Variants in ZDHHC14 observed in about 807,000 individuals in gnomAD.
ZDHHC14 encodes palmitoyltransferase ZDHHC14.
In ZDHHC14, 16 loss-of-function variants were observed where a neutral mutation model predicts 47.7. That is an observed-to-expected ratio of 0.34 (90% confidence interval 0.23 to 0.51). The LOEUF (loss-of-function observed/expected upper bound fraction) is 0.51, where lower values mean the gene tolerates loss of function less well. ZDHHC14 is among the 20% of genes least tolerant of loss of function. The pLI is 0.97. For synonymous variants in ZDHHC14, 293 were observed against 278.9 expected (o/e 1.05, Z -0.50); for missense variants, 515 against 662.5 (o/e 0.78, Z 2.44).
At chr6:157,523,962 A>AT (rs34782124) in intron 1 of ZDHHC14, among the ~76,000 whole-genome samples, 93,754 of 151,988 alleles carry the variant, frequency 0.62, 30,370 homozygotes, top group African/African-American at 0.83. Context: ...GTATGAAAAT[A>AT]TTTCTTAGGA....
chr6:157,624,587 A>G (rs1785328068), intron 3 of ZDHHC14, among the ~76,000 whole-genome samples: 1 of 152,202 alleles, frequency 6.6e-6, no homozygotes, highest in African/African-American at 2.4e-5. Context: ...GGGTACATGG[A>G]AAATACTCAG....
chr6:157,562,677 A>G (rs1036721592), intron 2 of ZDHHC14, among the ~76,000 whole-genome samples: 6 of 152,240 alleles, frequency 3.9e-5, no homozygotes, highest in Admixed American at 1.3e-4. Flanking sequence ...CTCACCACCC[A>G]GAGTCTGTTG....
chr6:157,646,612 CAAA>C (rs5881225), intron 6 of ZDHHC14, among the ~76,000 whole-genome samples: 6,360 of 121,434 alleles, frequency 0.052, 229 homozygotes, highest in East Asian at 0.21. Flanking sequence ...CACTCCATCT[CAAA>C]AAAAAAAAAA....
intron 8 of ZDHHC14, among the ~76,000 whole-genome samples, chr6:157,660,664 C>T (rs1440820328): frequency 6.6e-6 from 1 of 152,166 alleles, no homozygotes; most frequent in African/African-American, 2.4e-5. Flanking sequence ...TCTCTGCATC[C>T]AGTTAAGTCA....
intron 5 of ZDHHC14, among the ~76,000 whole-genome samples, chr6:157,645,256 G>C (rs1777464360): frequency 6.6e-6 from 1 of 152,134 alleles, no homozygotes; most frequent in Admixed American, 6.6e-5. Context: ...CTCCTCAGGG[G>C]AGACGCCTGT....
chr6:157,626,489 C>T (rs1785423632), intron 3 of ZDHHC14, among the ~76,000 whole-genome samples: 1 of 152,100 alleles, frequency 6.6e-6, no homozygotes, highest in Admixed American at 6.5e-5. Context: ...GAGGTTTGTT[C>T]GTTGTCAATA....
Position 157,381,495 on chromosome 6 carries a change from G to C in ZDHHC14, c.-527G>C, listed in dbSNP as rs1342417057. 8.0e-6 allele frequency: 3 copies of C among 376,174 alleles called. No homozygotes were observed. Among genetic ancestry groups the C allele is most frequent in the South Asian group, 5.3e-5 (3 of 56,638 alleles). 23.3% of individuals were successfully genotyped at this position (376,174 alleles called of 1,614,324 possible). On this transcript the variant is annotated 5_prime_UTR_variant, in exon 1 of 9. Transcript: ENST00000359775. The stretch of plus-strand genomic sequence containing the variant: ...CGCGCGCGGCCGCCCAGTCGCCAGC[G>C]CTCTCTCCTGGGAGGATCCGCTGCC...
chr6:157,522,491 G>GT (rs1191340111), intron 1 of ZDHHC14, among the ~76,000 whole-genome samples: 1 of 151,896 alleles, frequency 6.6e-6, no homozygotes, highest in Non-Finnish European at 1.5e-5. Context: ...GGTCCCTGTT[G>GT]TTTTTTTCCC....
At chr6:157,654,143 C>A (rs1455959892) in intron 8 of ZDHHC14, among the ~76,000 whole-genome samples, 1 of 152,222 alleles carries the variant, frequency 6.6e-6, no homozygotes, top group African/African-American at 2.4e-5. Context: ...TGCCACAAAA[C>A]TGACCAGTGC....
rs192159947 is a variant in ZDHHC14, at chr6:157,556,858, G to C, written c.406+14113G>C. ...GGTTCCAGGCGAGCTGAAGAGTGCTGACTCTGGTGGAGAAGCCAGTGAGAG... is the reference window on the plus strand; with the variant it reads ...GGTTCCAGGCGAGCTGAAGAGTGCTCACTCTGGTGGAGAAGCCAGTGAGAG... On this transcript the variant is annotated intron_variant, in intron 2 of 8. Coordinates refer to ENST00000359775, the MANE Select transcript of ZDHHC14 (RefSeq NM_024630.3). 2.9e-3 allele frequency among the ~76,000 whole-genome samples: 446 copies of C among 152,334 alleles called. 1 individual carries two copies. The highest frequency in any genetic ancestry group is 4.7e-3 in the Non-Finnish European group (317 of 68,020).
rs11429657 is a variant in ZDHHC14 at position 157,667,617 on chromosome 6, TA to T, written c.1069-5094del. Reference sequence around the variant, plus strand: ...CAAATAAGAATTAGAAGCAAAGGTTTAAAAAAAAAAAAAGGGAAGTGTAAGA... The same window carrying T: ...CAAATAAGAATTAGAAGCAAAGGTTTAAAAAAAAAAAAGGGAAGTGTAAGA... On this transcript the variant is annotated intron_variant, in intron 8 of 8. Coordinates refer to ENST00000359775, the MANE Select transcript of ZDHHC14 (RefSeq NM_024630.3). Among the ~76,000 whole-genome samples, 131 of 144,122 alleles carry T rather than the reference TA, an allele frequency of 9.1e-4. 1 individual carries two copies. Among genetic ancestry groups the T allele is most frequent in the Middle Eastern group, 3.5e-3 (1 of 284 alleles). The allele number at this position is 144,122 out of a possible 152,430, so 94.5% of individuals were successfully genotyped here.
intron 1 of ZDHHC14, among the ~76,000 whole-genome samples, chr6:157,474,993 C>G (rs1456973923): frequency 2.0e-5 from 3 of 152,128 alleles, no homozygotes; most frequent in Non-Finnish European, 2.9e-5. Flanking sequence ...TATCATGGAG[C>G]TTTTACCCTT....
At chr6:157,600,630 T>G (rs986024374) in intron 3 of ZDHHC14, among the ~76,000 whole-genome samples, 4 of 152,188 alleles carry the variant, frequency 2.6e-5, no homozygotes, top group East Asian at 1.9e-4. Flanking sequence ...GGTCTTGAAC[T>G]ACTGACCTCA....
intron 1 of ZDHHC14, among the ~76,000 whole-genome samples, chr6:157,421,227 C>T (rs1164391660): frequency 1.3e-5 from 2 of 151,766 alleles, no homozygotes; most frequent in Non-Finnish European, 2.9e-5. Context: ...TGCCTGGGCG[C>T]GGTGGCTCAC....
At chr6:157,426,936 C>T (rs538001281) in intron 1 of ZDHHC14, among the ~76,000 whole-genome samples, 15 of 152,228 alleles carry the variant, frequency 9.9e-5, no homozygotes, top group African/African-American at 1.4e-4. Context: ...AGGAAGTGGG[C>T]GCATCCATTG....
rs1778988904 is a variant in ZDHHC14, at chr6:157,677,497, G to C, written c.*4375G>C. 6.6e-6 allele frequency: 1 copy of C among 152,114 alleles called. No homozygotes were observed. Among genetic ancestry groups the C allele is most frequent in the Non-Finnish European group, 1.5e-5 (1 of 68,032 alleles). The allele number at this position is 152,114 out of a possible 1,614,324, so 9.4% of individuals were successfully genotyped here. A position where few individuals can be genotyped will look rare whatever the true frequency, so the allele number is the denominator to read the frequency against. On this transcript the variant is annotated 3_prime_UTR_variant, in exon 9 of 9. Transcript: ENST00000359775. ...TCCATTAATCCAGCCATTAAAAGTA[G>C]TTGGGAGATTGAAGATTAGATGGTT...
chr6:157,600,317 A>AT (rs1198152050), intron 3 of ZDHHC14, among the ~76,000 whole-genome samples: 2 of 152,250 alleles, frequency 1.3e-5, no homozygotes, highest in Non-Finnish European at 2.9e-5. Flanking sequence ...CAGGAATGTG[A>AT]TTTTTTAATG....
chr6:157,616,911 G>C (rs1784988785), intron 3 of ZDHHC14, among the ~76,000 whole-genome samples: 1 of 152,188 alleles, frequency 6.6e-6, no homozygotes, highest in African/African-American at 2.4e-5. Context: ...CTGATGGGGA[G>C]TGCTGGACCC....
At chr6:157,504,964 C>A (rs1189669625) in intron 1 of ZDHHC14, among the ~76,000 whole-genome samples, 1 of 151,918 alleles carries the variant, frequency 6.6e-6, no homozygotes, top group South Asian at 2.1e-4. Context: ...GTGAGCGCCA[C>A]CACACCCGGC....
Sources: allele counts gnomAD v4.1 joint callset (sites outside exome capture counted in the v4.1 genomes callset), GRCh38; gene constraint gnomAD v4.1.1; transcripts MANE v1.5; gene names NCBI Gene and HGNC (gene_info 2026-07-23, HGNC 2026-07-21).